UNC5D: variants seen among roughly 807,000 people sequenced by gnomAD.
UNC5D encodes the protein netrin receptor UNC5D.
A neutral mutation model predicts 105.4 loss-of-function variants in UNC5D; 39 were observed. The observed-to-expected ratio is 0.37, with a 90% CI of 0.29 to 0.48. UNC5D has a LOEUF of 0.48. Among genes scored for constraint, UNC5D ranks in the 20% least tolerant of loss-of-function variants. The pLI is 0.98. For synonymous variants in UNC5D, 452 were observed against 450.4 expected, an observed-to-expected ratio of 1.00 and a Z score of -0.04; for missense variants, 991 against 1,202.4, an observed-to-expected ratio of 0.82 and a Z score of 2.60.
At chr8:35,628,481 C>A (rs1821831826) in intron 4 of UNC5D, among the ~76,000 whole-genome samples, 1 of 152,156 alleles carries the variant, frequency 6.6e-6, no homozygotes, top group Non-Finnish European at 1.5e-5. Flanking sequence ...AAAACACATC[C>A]TGCTTTTAAA....
At chr8:35,265,985 T>G (rs1332548310) in intron 1 of UNC5D, among the ~76,000 whole-genome samples, 1 of 151,992 alleles carries the variant, frequency 6.6e-6, no homozygotes, top group Non-Finnish European at 1.5e-5. Context: ...AGATGGGCTA[T>G]GTATTGATAA....
rs149594959 is a variant in UNC5D, at chr8:35,311,297, A to G, written c.103+75410A>G. On this transcript the variant is annotated intron_variant, in intron 1 of 16. Coordinates refer to ENST00000404895, the MANE Select transcript of UNC5D (RefSeq NM_080872.4). ...TTAGAAAGGCCTTGGACACTGTGCC[A>G]AAAAGTCTGGACCATGGAAGATGTT... is the stretch of plus-strand genomic sequence containing the variant. 3.7e-3 allele frequency among the ~76,000 whole-genome samples: 566 copies of G among 152,268 alleles called. 4 individuals carry two copies. The highest frequency in any genetic ancestry group is 0.013 in the African/African-American group (551 of 41,562).
intron 11 of UNC5D, 129 bp downstream of exon 11, chr8:35,731,225 C>A (rs1010953654): frequency 4.8e-5 from 37 of 768,768 alleles, no homozygotes; most frequent in Non-Finnish European, 7.1e-5. Flanking sequence ...ATGGCGAAAG[C>A]CTGTCTCTAC....
intron 1 of UNC5D, among the ~76,000 whole-genome samples, chr8:35,467,042 G>A (rs1275907489): frequency 6.6e-6 from 1 of 152,066 alleles, no homozygotes; most frequent in Non-Finnish European, 1.5e-5. Context: ...TTTGACAAGG[G>A]GTGAAATTCC....
rs1254052811 is a variant in UNC5D at position 35,678,668 on chromosome 8, CT to C, written c.571-4873del. Among the ~76,000 whole-genome samples the C allele has an allele frequency of 3.3e-5, 5 of 152,046 alleles. No individual in the cohort carries two copies. In the East Asian group the frequency reaches 9.6e-4, roughly 29 times the overall value. On this transcript the variant is annotated intron_variant, in intron 4 of 16. Transcript: ENST00000404895. ...TTTACTCTTTCATGTATTATGACCACTTTTTTATGTTTTTACTAGTTGAAAC... is the reference window on the plus strand; with the variant it reads ...TTTACTCTTTCATGTATTATGACCACTTTTTATGTTTTTACTAGTTGAAAC...
intron 1 of UNC5D, among the ~76,000 whole-genome samples, chr8:35,476,730 AT>A (rs944828666): frequency 6.6e-6 from 1 of 152,174 alleles, no homozygotes; most frequent in Admixed American, 6.5e-5. Flanking sequence ...TCTCCTGAAA[AT>A]TAAGGCAGCT....
At position 35,445,284 on chromosome 8, in the gene UNC5D, C is replaced by T. The variant is rs1214671241; in HGVS notation, c.104-104008C>T. Reference sequence around the variant, plus strand: ...TTCTGAAAGACTTTGTGGCAAGCAACTACAAAGGAATTGAAAAGGAGTTAA... The same window carrying T: ...TTCTGAAAGACTTTGTGGCAAGCAATTACAAAGGAATTGAAAAGGAGTTAA... On this transcript the variant is annotated intron_variant, in intron 1 of 16. Transcript: ENST00000404895. Among the ~76,000 whole-genome samples, 5 of 151,924 alleles carry T rather than the reference C, an allele frequency of 3.3e-5. No homozygotes were observed. The East Asian group carries it at 7.7e-4, about 23-fold the overall frequency.
intron 4 of UNC5D, among the ~76,000 whole-genome samples, chr8:35,635,931 G>T (rs550905789): frequency 1.3e-5 from 2 of 152,096 alleles, no homozygotes; most frequent in East Asian, 3.9e-4. Flanking sequence ...CATCCCTCAC[G>T]GAAACCAAAT....
intron 4 of UNC5D, among the ~76,000 whole-genome samples, chr8:35,655,999 T>C (rs1823709619): frequency 6.6e-6 from 1 of 152,232 alleles, no homozygotes; most frequent in Non-Finnish European, 1.5e-5. Flanking sequence ...AATCTTTCTT[T>C]GTTCAGCAGA....
intron 1 of UNC5D, among the ~76,000 whole-genome samples, chr8:35,334,639 A>G (rs1302199274): frequency 1.3e-5 from 2 of 151,924 alleles, no homozygotes; most frequent in African/African-American, 4.8e-5. Flanking sequence ...CATCCTCCCG[A>G]GTAGCTGGGA....
chr8:35,297,706 C>T lies in UNC5D; in HGVS notation c.103+61819C>T, dbSNP rs577870242. Among the ~76,000 whole-genome samples, 495 of 151,664 alleles carry T rather than the reference C, an allele frequency of 3.3e-3. 3 individuals carry two copies. Among genetic ancestry groups the T allele is most frequent in the African/African-American group, 0.011 (473 of 41,326 alleles). ...GATAAAGTTCTGGTGTTTGCTGCCT[C>T]CGGATTTAATACATTATAAATGTGA... is the stretch of plus-strand genomic sequence containing the variant. On this transcript the variant is annotated intron_variant, in intron 1 of 16. Transcript: ENST00000404895.
chr8:35,449,629 A>G (rs192497379), intron 1 of UNC5D, among the ~76,000 whole-genome samples: 2 of 152,240 alleles, frequency 1.3e-5, no homozygotes, highest in Non-Finnish European at 2.9e-5. Flanking sequence ...AATTTCACTT[A>G]TGTAACTTAA....
intron 1 of UNC5D, among the ~76,000 whole-genome samples, chr8:35,421,302 C>G (rs1805883654): frequency 6.6e-6 from 1 of 152,166 alleles, no homozygotes. Context: ...CTTGCCCCTA[C>G]TTGGCAGCTG....
chr8:35,685,666 T>A (rs554631754), intron 6 of UNC5D, among the ~76,000 whole-genome samples: 1 of 152,308 alleles, frequency 6.6e-6, no homozygotes, highest in Admixed American at 6.5e-5. Context: ...ATACATAATG[T>A]TGTTTACTCC....
Position 35,400,168 on chromosome 8 carries a change from C to G in UNC5D, c.104-149124C>G, listed in dbSNP as rs546120046. Among the ~76,000 whole-genome samples the G allele has an allele frequency of 5.3e-5, 8 of 152,168 alleles. No individual in the cohort carries two copies. In the East Asian group the frequency reaches 5.8e-4, roughly 11 times the overall value. ...CTTGGAAGCATCTTATCCCCCAACACTTGTGCTTGGGAGATAATACATGTC... is the reference window on the plus strand; with the variant it reads ...CTTGGAAGCATCTTATCCCCCAACAGTTGTGCTTGGGAGATAATACATGTC... On this transcript the variant is annotated intron_variant, in intron 1 of 16. Transcript: ENST00000404895.
chr8:35,379,730 A>G (rs999214015), intron 1 of UNC5D, among the ~76,000 whole-genome samples: 19 of 152,118 alleles, frequency 1.2e-4, no homozygotes, highest in Admixed American at 9.8e-4. Flanking sequence ...GGGGAAAGCC[A>G]AAATTAAGGT....
In UNC5D at chr8:35,629,673, A is replaced by G. The variant is rs77801394; in HGVS notation, c.570+34016A>G. Among the ~76,000 whole-genome samples the G allele has an allele frequency of 7.2e-3, 1,100 of 152,318 alleles. 17 individuals carry two copies. Among genetic ancestry groups the G allele is most frequent in the African/African-American group, 0.025 (1,047 of 41,568 alleles). ...ATATACCCACGTAACAATCATGTAC[A>G]TGGATCCCCCAAATCTATAATTTAA... On this transcript the variant is annotated intron_variant, in intron 4 of 16. Coordinates refer to ENST00000404895, the MANE Select transcript of UNC5D (RefSeq NM_080872.4).
chr8:35,544,911 T>A (rs1326139261), intron 1 of UNC5D, among the ~76,000 whole-genome samples: 2 of 152,138 alleles, frequency 1.3e-5, no homozygotes, highest in Non-Finnish European at 2.9e-5. Flanking sequence ...TCACACCTAT[T>A]CTTTATATCA....
chr8:35,552,419 G>A (rs530684822), intron 2 of UNC5D, among the ~76,000 whole-genome samples: 1 of 152,240 alleles, frequency 6.6e-6, no homozygotes, highest in East Asian at 1.9e-4. Flanking sequence ...GCTGACATAA[G>A]GATGGATTGA....
Sources: gnomAD v4.1 joint callset for allele counts (sites outside exome capture counted in the v4.1 genomes callset) on GRCh38, gnomAD v4.1.1 for gene constraint, MANE v1.5 for transcripts, NCBI Gene and HGNC (gene_info 2026-07-23, HGNC 2026-07-21) for gene names.